SLC25A42: variants seen among roughly 807,000 people sequenced by gnomAD.
SLC25A42 encodes the protein mitochondrial coenzyme A transporter SLC25A42.
A neutral mutation model predicts 34.7 loss-of-function variants in SLC25A42; 19 were observed. The ratio of observed to expected loss-of-function variants is 0.55; its 90% CI spans 0.38 to 0.80. The LOEUF (loss-of-function observed/expected upper bound fraction) is 0.80. Among genes scored for constraint, SLC25A42 ranks in the 30% least tolerant of loss-of-function variants. SLC25A42 has a pLI of 0.00. For synonymous variants in SLC25A42, 205 were observed against 191.2 expected, an observed-to-expected ratio of 1.07 and a Z score of -0.59; for missense variants, 364 against 441.3, an observed-to-expected ratio of 0.82 and a Z score of 1.57.
chr19:19,075,604 G>T (rs993158982), intron 1 of SLC25A42, among the ~76,000 whole-genome samples: 1 of 152,182 alleles, frequency 6.6e-6, no homozygotes, highest in Non-Finnish European at 1.5e-5. Context: ...AATACTATGT[G>T]GGGCTGGGGG....
At chr19:19,098,670 A>G (rs549939666) in intron 2 of SLC25A42, among the ~76,000 whole-genome samples, 2 of 152,226 alleles carry the variant, frequency 1.3e-5, no homozygotes, top group South Asian at 4.1e-4. Context: ...TGTAATCCCA[A>G]CACTTTGGGA....
chr19:19,067,308 T>C (rs2059607780), intron 1 of SLC25A42, among the ~76,000 whole-genome samples: 1 of 152,162 alleles, frequency 6.6e-6, no homozygotes, highest in African/African-American at 2.4e-5. Context: ...TATTTGGGGC[T>C]GGATGCAGTG....
intron 6 of SLC25A42, among the ~76,000 whole-genome samples, chr19:19,107,139 A>G (rs2059835388): frequency 6.6e-6 from 1 of 151,740 alleles, no homozygotes; most frequent in South Asian, 2.1e-4. Flanking sequence ...GCAACATAGC[A>G]AGACCCCATC....
At chr19:19,083,802 C>T (rs1246804213) in intron 1 of SLC25A42, among the ~76,000 whole-genome samples, 1 of 152,126 alleles carries the variant, frequency 6.6e-6, no homozygotes, top group Non-Finnish European at 1.5e-5. Flanking sequence ...CAGCATGCAC[C>T]TCCTGGCCCC....
intron 2 of SLC25A42, among the ~76,000 whole-genome samples, chr19:19,098,385 C>G (rs984674061): frequency 6.6e-6 from 1 of 152,222 alleles, no homozygotes; most frequent in Non-Finnish European, 1.5e-5. Context: ...ATTGCTTGAA[C>G]CCAGGAGTTT....
At chr19:19,085,300 G>A (rs986339503) in intron 1 of SLC25A42, among the ~76,000 whole-genome samples, 3 of 152,144 alleles carry the variant, frequency 2.0e-5, no homozygotes, top group Non-Finnish European at 2.9e-5. Flanking sequence ...CAGCTGTGAA[G>A]CTGAACTGAG....
At chr19:19,092,779 A>G (rs1036359228) in intron 1 of SLC25A42, among the ~76,000 whole-genome samples, 7 of 152,208 alleles carry the variant, frequency 4.6e-5, no homozygotes, top group African/African-American at 1.7e-4. Context: ...CCTCGATTCT[A>G]GGAATCAAGG....
chr19:19,070,315 T>A (rs1599663347), intron 1 of SLC25A42, among the ~76,000 whole-genome samples: 2 of 140,600 alleles, frequency 1.4e-5, no homozygotes, highest in African/African-American at 5.5e-5. Flanking sequence ...TTTTTTTTTT[T>A]AGACAGAGTT....
At chr19:19,071,380 G>A (rs956578923) in intron 1 of SLC25A42, among the ~76,000 whole-genome samples, 2 of 152,128 alleles carry the variant, frequency 1.3e-5, no homozygotes, top group African/African-American at 4.8e-5. Context: ...TTGATACCTG[G>A]TCTCAGAAGG....
At chr19:19,092,035 G>A (rs2145912946) in intron 1 of SLC25A42, among the ~76,000 whole-genome samples, 1 of 152,282 alleles carries the variant, frequency 6.6e-6, no homozygotes, top group South Asian at 2.1e-4. Flanking sequence ...GGATGAGGCA[G>A]CTGGAACAGA....
intron 2 of SLC25A42, among the ~76,000 whole-genome samples, chr19:19,098,652 C>A (rs1568519930): frequency 6.6e-6 from 1 of 152,162 alleles, no homozygotes; most frequent in East Asian, 1.9e-4. Context: ...GGCCCGCTGG[C>A]TCTCGCCTGT....
intron 3 of SLC25A42, 113 bp from the exon 4 acceptor site, chr19:19,104,800 G>C (rs2059817256): frequency 8.8e-7 from 1 of 1,130,338 alleles, no homozygotes; most frequent in Non-Finnish European, 1.3e-6. Context: ...CCTGGGACAA[G>C]ATTGGGGGGA....
chr19:19,105,720 C>G lies in SLC25A42; in HGVS notation c.373C>G (p.Arg125Gly). The G allele has an allele frequency of 2.5e-6, 4 of 1,575,520 alleles. No homozygotes were observed. ...CATCCTGGGCAGCTACTATGGCTTC[C>G]GTGGAGAGTGAGGCCCCGCCCCGCC... is the stretch of plus-strand genomic sequence containing the variant. ...KRILGSYYGF[R>G]GEALPPWPRL... The change falls in exon 5 of 8, where the codon CGT (arginine) becomes GGT (glycine). Residue 125 changes from arginine to glycine, a missense_variant. Arg to Gly is a moderately radical substitution (Grantham distance 125). Transcript: ENST00000318596.
intron 1 of SLC25A42, among the ~76,000 whole-genome samples, chr19:19,087,188 A>T (rs1201801677): frequency 1.3e-5 from 2 of 151,892 alleles, no homozygotes; most frequent in Non-Finnish European, 2.9e-5. Flanking sequence ...CTAATTCCAC[A>T]TATAAATGAG....
Position 19,110,853 on chromosome 19 carries a change from C to G in SLC25A42, c.934C>G (p.Leu312Val). 1 of 1,613,936 alleles carries G rather than the reference C, an allele frequency of 6.2e-7. No individual in the cohort carries two copies. Residue 312 changes from leucine (L) to valine (V), a missense_variant, in exon 8 of 8, where the codon CTG (leucine) becomes GTG (valine). Leu to Val is a conservative substitution (Grantham distance 32). Transcript: ENST00000318596. ...CACCACCTTCGACCTCATGCAGATC[C>G]TGCTGCGGCACCTGCAGAGCTAGGG... ...SFTTFDLMQI[L>V]LRHLQS
intron 1 of SLC25A42, among the ~76,000 whole-genome samples, chr19:19,070,445 G>C (rs541629307): frequency 6.6e-6 from 1 of 151,732 alleles, no homozygotes; most frequent in Non-Finnish European, 1.5e-5. Flanking sequence ...TTACAGGTGC[G>C]CACCACCGCA....
intron 2 of SLC25A42, among the ~76,000 whole-genome samples, chr19:19,099,107 A>G (rs1252797499): frequency 6.6e-6 from 1 of 152,132 alleles, no homozygotes; most frequent in African/African-American, 2.4e-5. Flanking sequence ...TGAAGCTGGT[A>G]AGGCCTTGGA....
chr19:19,082,682 A>G lies in SLC25A42; in HGVS notation c.-34-13409A>G, dbSNP rs181683334. Among the ~76,000 whole-genome samples the G allele has an allele frequency of 6.7e-4, 101 of 150,692 alleles. 1 individual carries two copies. Among genetic ancestry groups the G allele is most frequent in the Admixed American group, 6.6e-3 (100 of 15,152 alleles). On this transcript the variant is annotated intron_variant, in intron 1 of 7. Transcript: ENST00000318596. ...TTGGCCTTTTTTTTTTGTTTTTGAG[A>G]CAAGGTCTTGCTGTGTCACCCAGGC... is the stretch of plus-strand genomic sequence containing the variant.
At chr19:19,066,971 C>G (rs774139496) in intron 1 of SLC25A42, among the ~76,000 whole-genome samples, 2 of 144,412 alleles carry the variant, frequency 1.4e-5, no homozygotes, top group Non-Finnish European at 3.0e-5. Flanking sequence ...GAGCTATAAT[C>G]ATGCCACTGC....
Sources: allele counts gnomAD v4.1 joint callset (sites outside exome capture counted in the v4.1 genomes callset), GRCh38; gene constraint gnomAD v4.1.1; transcripts MANE v1.5; gene names NCBI Gene and HGNC (gene_info 2026-07-23, HGNC 2026-07-21).